The following BBS9 variants were observed in gnomAD, a reference collection of about 807,000 sequenced individuals.
BBS9 encodes the protein Bardet-Biedl syndrome 9.
In BBS9, 89 loss-of-function variants were observed where a neutral mutation model predicts 117.7. The ratio of observed to expected loss-of-function variants is 0.76; its 90% CI spans 0.64 to 0.90. The LOEUF (loss-of-function observed/expected upper bound fraction) is 0.90. Among genes scored for constraint, BBS9 ranks in the 40% least tolerant of loss-of-function variants. The pLI, the probability that BBS9 is intolerant of heterozygous loss-of-function variation, is 0.00. For synonymous variants in BBS9, 379 were observed against 370.9 expected, an observed-to-expected ratio of 1.02 and a Z score of -0.25; for missense variants, 982 against 1,042.2, an observed-to-expected ratio of 0.94 and a Z score of 0.80.
At chr7:33,565,844 T>TATATATATATATATATATA (rs5883407) in intron 21 of BBS9, among the ~76,000 whole-genome samples, 26 of 80,032 alleles carry the variant, frequency 3.2e-4, no homozygotes, top group African/African-American at 4.1e-4. Flanking sequence ...TATATACTGC[T>TATATATATATATATATATA]TATATATATA....
intron 20 of BBS9, among the ~76,000 whole-genome samples, chr7:33,533,207 C>T (rs1850851412): frequency 6.6e-6 from 1 of 152,170 alleles, no homozygotes; most frequent in Admixed American, 6.5e-5. Context: ...CAGTGCTCTC[C>T]ATGACAATGC....
chr7:33,180,690 C>T (rs947660912), intron 5 of BBS9, among the ~76,000 whole-genome samples: 15 of 152,092 alleles, frequency 9.9e-5, no homozygotes, highest in Non-Finnish European at 1.9e-4. Context: ...TTCTTTTCGG[C>T]ACCGAGGACA....
At chr7:33,622,757 C>A (rs1402120676) in intron 21 of BBS9, among the ~76,000 whole-genome samples, 1 of 152,124 alleles carries the variant, frequency 6.6e-6, no homozygotes, top group Non-Finnish European at 1.5e-5. Context: ...ACCAATGCAT[C>A]ATAATAATGT....
At chr7:33,452,840 T>C (rs1563196993) in intron 19 of BBS9, among the ~76,000 whole-genome samples, 1 of 152,180 alleles carries the variant, frequency 6.6e-6, no homozygotes, top group African/African-American at 2.4e-5. Flanking sequence ...GCAAAAGTTA[T>C]AGCCATGTAG....
chr7:33,362,369 T>C (rs1012748710), intron 16 of BBS9, among the ~76,000 whole-genome samples: 2 of 151,788 alleles, frequency 1.3e-5, no homozygotes, highest in African/African-American at 4.8e-5. Flanking sequence ...TTCTCTCTCT[T>C]TTTTTTTGAT....
intron 4 of BBS9, among the ~76,000 whole-genome samples, chr7:33,175,532 C>T (rs968665208): frequency 5.9e-5 from 9 of 152,188 alleles, no homozygotes; most frequent in South Asian, 2.1e-4. Flanking sequence ...AGGTTCAGAG[C>T]GCTCTGCTCT....
intron 19 of BBS9, among the ~76,000 whole-genome samples, chr7:33,486,547 C>A (rs1056638749): frequency 1.3e-5 from 2 of 152,198 alleles, no homozygotes; most frequent in Admixed American, 1.3e-4. Context: ...TGTATCATTT[C>A]ATATTTTTAC....
At chr7:33,556,039 T>TCACA (rs897302284) in intron 21 of BBS9, among the ~76,000 whole-genome samples, 1 of 152,136 alleles carries the variant, frequency 6.6e-6, no homozygotes, top group Non-Finnish European at 1.5e-5. Flanking sequence ...ATCTAACTGA[T>TCACA]CACACTTGGT....
intron 1 of BBS9, among the ~76,000 whole-genome samples, chr7:33,138,077 A>G (rs1790817077): frequency 6.6e-6 from 1 of 152,190 alleles, no homozygotes; most frequent in Admixed American, 6.5e-5. Flanking sequence ...TTCTATCCAC[A>G]TGCTTTTTCA....
chr7:33,368,569 GA>G (rs1481086709), intron 17 of BBS9, among the ~76,000 whole-genome samples: 1 of 137,548 alleles, frequency 7.3e-6, no homozygotes, highest in African/African-American at 3.0e-5. Flanking sequence ...TGTATTGAGA[GA>G]AAAAAGTACA....
intron 9 of BBS9, among the ~76,000 whole-genome samples, chr7:33,286,614 C>G (rs1299162561): frequency 2.0e-5 from 3 of 151,944 alleles, no homozygotes; most frequent in Non-Finnish European, 4.4e-5. Flanking sequence ...CTCTATTTCC[C>G]AGAGGAAAAA....
intron 21 of BBS9, among the ~76,000 whole-genome samples, chr7:33,536,278 C>T (rs1415369654): frequency 2.0e-5 from 3 of 152,128 alleles, no homozygotes; most frequent in Non-Finnish European, 2.9e-5. Flanking sequence ...CCGCTTGCCA[C>T]TCTGTGGTTG....
chr7:33,488,088 C>G (rs1448273183), intron 19 of BBS9, among the ~76,000 whole-genome samples: 1 of 152,190 alleles, frequency 6.6e-6, no homozygotes, highest in African/African-American at 2.4e-5. Context: ...AGGGCTGTCA[C>G]TCCAGCTTCA....
chr7:33,453,249 C>T (rs1838158893), intron 19 of BBS9, among the ~76,000 whole-genome samples: 1 of 152,166 alleles, frequency 6.6e-6, no homozygotes, highest in African/African-American at 2.4e-5. Context: ...CTCAGCAAAG[C>T]AGCTGAGTTA....
chr7:33,364,479 C>A lies in BBS9; in HGVS notation c.1694-3288C>A, dbSNP rs193213296. ...TTATTGTTTTGCTTGATTCTGTTCC[C>A]TAAATCTTGCAGCCTTTCTTCTTTC... On this transcript the variant is annotated intron_variant, in intron 16 of 22. Transcript: ENST00000242067. 1.5e-3 allele frequency among the ~76,000 whole-genome samples: 230 copies of A among 152,172 alleles called. 1 individual carries two copies. The highest frequency in any genetic ancestry group is 4.2e-3 in the African/African-American group (175 of 41,540).
chr7:33,264,327 A>T lies in BBS9; in HGVS notation c.655A>T (p.Arg219Trp). Residue 219 changes from arginine to tryptophan, a missense_variant, in exon 7 of 23, where the codon AGG becomes TGG. Physicochemically the swap from Arg to Trp is moderately radical, Grantham distance 101. Transcript: ENST00000242067. Reference protein sequence around the residue: ...VLAFATDADKRQETEQQKLGS... With the variant: ...VLAFATDADKWQETEQQKLGS... ...TGCTTTTGCAACAGATGCAGATAAA[A>T]GGCAGGAGACTGAACAGCAAAAACT... 6.4e-7 allele frequency: 1 copy of T among 1,571,078 alleles called. No homozygotes were observed. The highest frequency in any genetic ancestry group is 2.3e-5 in the East Asian group (1 of 43,910).
chr7:33,428,927 A>G (rs1013181057), intron 19 of BBS9, among the ~76,000 whole-genome samples: 16 of 152,120 alleles, frequency 1.1e-4, no homozygotes, highest in African/African-American at 3.6e-4. Flanking sequence ...ATTTTTCCAT[A>G]TTGAAATATT....
rs534958106 is a variant in BBS9, at chr7:33,270,995, C to G, written c.703-2017C>G. On this transcript the variant is annotated intron_variant, in intron 7 of 22. Transcript: ENST00000242067. ...AGGTTACCTCCAAAGGGAGCTCCAT[C>G]AGGCTAATAGCGGACCTTTCGGCAG... is the stretch of plus-strand genomic sequence containing the variant. Among the ~76,000 whole-genome samples, 301 of 152,296 alleles carry G rather than the reference C, an allele frequency of 2.0e-3. 1 individual carries two copies. The highest frequency in any genetic ancestry group is 2.6e-3 in the Non-Finnish European group (178 of 68,018).
intron 1 of BBS9, among the ~76,000 whole-genome samples, chr7:33,143,038 C>T (rs563393723): frequency 1.3e-5 from 2 of 151,960 alleles, no homozygotes; most frequent in Admixed American, 6.6e-5. Context: ...GGCGCGATCT[C>T]GGCTCACTGC....
Sources: gnomAD v4.1 joint callset for allele counts (sites outside exome capture counted in the v4.1 genomes callset) on GRCh38, gnomAD v4.1.1 for gene constraint, MANE v1.5 for transcripts, NCBI Gene and HGNC (gene_info 2026-07-23, HGNC 2026-07-21) for gene names.